Variants in CBLN2 observed in about 807,000 individuals in gnomAD.
The protein encoded by CBLN2 is cerebellin-2.
A neutral mutation model predicts 15.0 loss-of-function variants in CBLN2; 7 were observed. The ratio of observed to expected loss-of-function variants is 0.47; its 90% CI spans 0.27 to 0.88. The LOEUF is 0.88. Among genes scored for constraint, CBLN2 ranks in the 40% least tolerant of loss-of-function variants. The probability of loss-of-function intolerance (pLI) is 0.14; values close to 1 mark genes in which losing one functional copy is unlikely to be tolerated. For missense variants in CBLN2, 242 were observed against 304.5 expected, an observed-to-expected ratio of 0.79 and a Z score of 1.53; for synonymous variants, 149 against 135.2, an observed-to-expected ratio of 1.10 and a Z score of -0.71.
upstream of CBLN2, among the ~76,000 whole-genome samples, chr18:72,547,468 A>T (rs1172566325): frequency 6.6e-6 from 1 of 152,220 alleles, no homozygotes; most frequent in African/African-American, 2.4e-5. Context: ...TTTTAAAATT[A>T]AAAATTTAAA....
chr18:72,592,892 C>T (rs955744609), intron 1 of CBLN2, among the ~76,000 whole-genome samples: 10 of 152,044 alleles, frequency 6.6e-5, no homozygotes, highest in Non-Finnish European at 1.2e-4. Flanking sequence ...GTTACAATAG[C>T]TCTGTAGTAT....
chr18:72,584,358 C>T (rs2069427391), intron 1 of CBLN2, among the ~76,000 whole-genome samples: 1 of 151,658 alleles, frequency 6.6e-6, no homozygotes, highest in Non-Finnish European at 1.5e-5. Context: ...TGTCACCAGG[C>T]TGGAGTGCAG....
At chr18:72,593,946 T>C (rs1407854536) in intron 1 of CBLN2, among the ~76,000 whole-genome samples, 3 of 152,154 alleles carry the variant, frequency 2.0e-5, no homozygotes, top group Non-Finnish European at 4.4e-5. Flanking sequence ...TGGAATATTA[T>C]GCAGCCATAA....
At chr18:72,609,947 C>T (rs1008662551) in intron 1 of CBLN2, among the ~76,000 whole-genome samples, 6 of 152,114 alleles carry the variant, frequency 3.9e-5, no homozygotes, top group African/African-American at 7.2e-5. Context: ...GCCACCTCTA[C>T]GCCTGTCTCA....
chr18:72,569,770 A>G (rs1188369470), intron 1 of CBLN2, among the ~76,000 whole-genome samples: 1 of 152,190 alleles, frequency 6.6e-6, no homozygotes, highest in Admixed American at 6.5e-5. Context: ...AGGGGAAGGC[A>G]ATAAGCAGTT....
chr18:72,584,169 CT>C (rs1385259739), intron 1 of CBLN2, among the ~76,000 whole-genome samples: 8 of 152,138 alleles, frequency 5.3e-5, no homozygotes, highest in Non-Finnish European at 1.0e-4. Context: ...ACAGTTGCTG[CT>C]TGATTCTCAT....
chr18:72,575,271 G>T (rs992178553), intron 1 of CBLN2, among the ~76,000 whole-genome samples: 4 of 152,120 alleles, frequency 2.6e-5, no homozygotes, highest in African/African-American at 9.7e-5. Context: ...GTGAGGTCGG[G>T]TGTGTGCCTG....
At chr18:72,574,783 G>A (rs936904387) in intron 1 of CBLN2, among the ~76,000 whole-genome samples, 28 of 152,170 alleles carry the variant, frequency 1.8e-4, no homozygotes, top group African/African-American at 6.8e-4. Context: ...AGAAAATAAG[G>A]GAGTAAATGA....
chr18:72,610,654 G>A (rs1002199498), intron 1 of CBLN2, among the ~76,000 whole-genome samples: 1 of 152,098 alleles, frequency 6.6e-6, no homozygotes, highest in African/African-American at 2.4e-5. Flanking sequence ...AATCAATAAG[G>A]AGCATCCCTC....
At chr18:72,566,156 A>G (rs748118508) in intron 1 of CBLN2, among the ~76,000 whole-genome samples, 1 of 152,218 alleles carries the variant, frequency 6.6e-6, no homozygotes, top group Non-Finnish European at 1.5e-5. Context: ...AATTAAAAAG[A>G]CAAAAGATCA....
intron 1 of CBLN2, among the ~76,000 whole-genome samples, chr18:72,636,781 C>T (rs1459013774): frequency 6.6e-6 from 1 of 152,048 alleles, no homozygotes; most frequent in Non-Finnish European, 1.5e-5. Flanking sequence ...AAAATTGTTT[C>T]CACTTGGCAT....
chr18:72,626,304 A>G (rs908764862), intron 1 of CBLN2, among the ~76,000 whole-genome samples: 1 of 152,106 alleles, frequency 6.6e-6, no homozygotes, highest in African/African-American at 2.4e-5. Context: ...TAAAAAATCC[A>G]ACTCTTTACA....
intron 1 of CBLN2, among the ~76,000 whole-genome samples, chr18:72,556,222 G>A (rs1023687062): frequency 6.6e-6 from 1 of 152,150 alleles, no homozygotes; most frequent in Non-Finnish European, 1.5e-5. Context: ...GCGAATAAAT[G>A]TGGAATTCTT....
upstream of CBLN2, among the ~76,000 whole-genome samples, chr18:72,548,836 A>G (rs2069174654): frequency 6.6e-6 from 1 of 152,220 alleles, no homozygotes; most frequent in East Asian, 1.9e-4. Flanking sequence ...GGCTGCGAAG[A>G]TATGTATTAA....
rs1599025817 is a variant in CBLN2 at position 72,618,414 on chromosome 18, A to G, written c.15+19911T>C. On this transcript the variant is annotated intron_variant, in intron 1 of 2. Coordinates refer to the CBLN2 transcript ENST00000581073. ...AGACTAGGCGGTCTTGAGAGATCCA[A>G]ACACCAAGAGCTCCAGGAGCTTTGG... is the stretch of plus-strand genomic sequence containing the variant. The G allele has an allele frequency of 2.2e-5, 13 of 602,856 alleles. No homozygotes were observed. In the East Asian group the frequency reaches 4.0e-4, roughly 18 times the overall value. The allele number at this position is 602,856 out of a possible 1,614,324, so 37.3% of individuals were successfully genotyped here. A position where few individuals can be genotyped will look rare whatever the true frequency, so the allele number is the denominator to read the frequency against.
chr18:72,556,287 T>C (rs1170267992), intron 1 of CBLN2, among the ~76,000 whole-genome samples: 1 of 152,180 alleles, frequency 6.6e-6, no homozygotes, highest in Non-Finnish European at 1.5e-5. Flanking sequence ...CTTAGGGAGA[T>C]AGGATAACTC....
chr18:72,577,545 G>C (rs1490380135), intron 1 of CBLN2, among the ~76,000 whole-genome samples: 1 of 152,092 alleles, frequency 6.6e-6, no homozygotes, highest in Non-Finnish European at 1.5e-5. Flanking sequence ...ACAATTGCAG[G>C]GATTTTCATT....
Position 72,538,872 on chromosome 18 carries a change from C to T in CBLN2, c.358-100G>A, listed in dbSNP as rs576578268. 153 of 1,464,114 alleles carry T rather than the reference C, an allele frequency of 1.0e-4. No homozygotes were observed. In the African/African-American group the frequency reaches 1.3e-3, roughly 13 times the overall value. The allele number at this position is 1,464,114 out of a possible 1,614,324, so 90.7% of individuals were successfully genotyped here. On this transcript the variant is annotated intron_variant, in intron 3 of 4. Coordinates refer to ENST00000269503, the MANE Select transcript of CBLN2 (RefSeq NM_182511.4). ...CCAGCAACACTGCCTCCTTCATCAGCGGCTGGGAACACAAATTCAGCATCC... is the reference window on the plus strand; with the variant it reads ...CCAGCAACACTGCCTCCTTCATCAGTGGCTGGGAACACAAATTCAGCATCC...
chr18:72,636,558 G>A lies in CBLN2; in HGVS notation c.15+1767C>T, dbSNP rs114492514. Among the ~76,000 whole-genome samples the A allele has an allele frequency of 4.1e-3, 621 of 152,268 alleles. 4 individuals carry two copies. Among genetic ancestry groups the A allele is most frequent in the African/African-American group, 0.014 (584 of 41,556 alleles). Reference sequence around the variant, plus strand: ...CTAAACATCCACGATATGTGGATATGCACATGGCAATGACCCTCCCCTAGA... The same window carrying A: ...CTAAACATCCACGATATGTGGATATACACATGGCAATGACCCTCCCCTAGA... On this transcript the variant is annotated intron_variant, in intron 1 of 2. Transcript: ENST00000581073.
Sources: gnomAD v4.1 joint callset for allele counts (sites outside exome capture counted in the v4.1 genomes callset) on GRCh38, gnomAD v4.1.1 for gene constraint, MANE v1.5 for transcripts, NCBI Gene and HGNC (gene_info 2026-07-23, HGNC 2026-07-21) for gene names.